CACNA1E: variants seen among roughly 807,000 people sequenced by gnomAD.
The protein encoded by CACNA1E is voltage-dependent R-type calcium channel subunit alpha-1E.
Under a neutral mutation model 259.2 loss-of-function variants are expected in CACNA1E, and 40 were observed. The ratio of observed to expected loss-of-function variants is 0.15; its 90% confidence interval spans 0.12 to 0.20. The LOEUF is 0.20. CACNA1E is among the 10% of genes least tolerant of loss of function. The probability of loss-of-function intolerance (pLI) is 1.00; values close to 1 mark genes in which losing one functional copy is unlikely to be tolerated. For missense variants in CACNA1E, 1,874 were observed against 3,040.1 expected (o/e 0.62, Z 9.02); for synonymous variants, 1,104 against 1,138.5 (o/e 0.97, Z 0.61).
intron 2 of CACNA1E, among the ~76,000 whole-genome samples, chr1:181,441,229 C>T (rs1660453136): frequency 6.6e-6 from 1 of 152,136 alleles, no homozygotes; most frequent in African/African-American, 2.4e-5. Context: ...CTCACTGCAA[C>T]CTCCAGTTCC....
chr1:181,709,998 C>T (rs1653178423), intron 7 of CACNA1E, among the ~76,000 whole-genome samples: 1 of 152,174 alleles, frequency 6.6e-6, no homozygotes, highest in African/African-American at 2.4e-5. Flanking sequence ...TTCTTTCACC[C>T]AATAAATTTG....
At chr1:181,469,520 T>C (rs1284151752) in intron 2 of CACNA1E, among the ~76,000 whole-genome samples, 1 of 152,142 alleles carries the variant, frequency 6.6e-6, no homozygotes. Context: ...ATTTGAGCCA[T>C]GGTGAATATA....
intron 38 of CACNA1E, among the ~76,000 whole-genome samples, chr1:181,778,141 CTAGT>C (rs1157231474): frequency 2.6e-5 from 4 of 152,148 alleles, no homozygotes; most frequent in Non-Finnish European, 4.4e-5. Context: ...GTAATTCATT[CTAGT>C]TAGTTAGAGT....
At chr1:181,683,725 T>C (rs1650226767) in intron 7 of CACNA1E, among the ~76,000 whole-genome samples, 1 of 152,222 alleles carries the variant, frequency 6.6e-6, no homozygotes, top group African/African-American at 2.4e-5. Flanking sequence ...TCACTTAGGA[T>C]AATGTCCTCC....
chr1:181,688,108 G>A (rs1459641993), intron 7 of CACNA1E, among the ~76,000 whole-genome samples: 9 of 152,080 alleles, frequency 5.9e-5, no homozygotes, highest in African/African-American at 1.9e-4. Context: ...GAGTATCTGG[G>A]CACTAACAAT....
intron 46 of CACNA1E, among the ~76,000 whole-genome samples, chr1:181,795,656 G>T (rs1442079453): frequency 6.6e-6 from 1 of 151,384 alleles, no homozygotes; most frequent in Admixed American, 6.6e-5. Context: ...TAGCCAGGAT[G>T]GTCTCAATCT....
intron 18 of CACNA1E, 140 bp downstream of exon 18, chr1:181,726,302 G>A: frequency 1.6e-6 from 1 of 608,886 alleles, no homozygotes; most frequent in South Asian, 2.0e-5. Flanking sequence ...GAGCCAGACA[G>A]AGTCTGTTTT....
chr1:181,363,250 A>G (rs1654022122), intron 1 of CACNA1E, among the ~76,000 whole-genome samples: 1 of 152,210 alleles, frequency 6.6e-6, no homozygotes, highest in Non-Finnish European at 1.5e-5. Context: ...ACTATTACAC[A>G]AACCAAAAAC....
intron 12 of CACNA1E, among the ~76,000 whole-genome samples, chr1:181,718,664 A>C (rs893510269): frequency 1.5e-5 from 2 of 133,044 alleles, no homozygotes; most frequent in Non-Finnish European, 3.3e-5. Flanking sequence ...ACACACACAC[A>C]CACCCTTATA....
At chr1:181,568,250 T>G (rs1251521992) in intron 3 of CACNA1E, among the ~76,000 whole-genome samples, 6 of 152,128 alleles carry the variant, frequency 3.9e-5, no homozygotes, top group Non-Finnish European at 8.8e-5. Flanking sequence ...CTCCCCAGCA[T>G]GCATGTTGTC....
rs1385444624 is a variant in CACNA1E at position 181,805,779 on chromosome 1, C to T, written c.*6945C>T. 6.6e-6 allele frequency: 1 copy of T among 152,172 alleles called. No individual in the cohort carries two copies. Among genetic ancestry groups the T allele is most frequent in the African/African-American group, 2.4e-5 (1 of 41,414 alleles). The allele number at this position is 152,172 out of a possible 1,614,324, so 9.4% of individuals were successfully genotyped here. On this transcript the variant is annotated 3_prime_UTR_variant, in exon 48 of 48. Transcript: ENST00000367573. ...AACTGAGTCCAAGATTTGAATTCAT[C>T]CAGAAAAACAAATGGAGGAGAAAAG... is the stretch of plus-strand genomic sequence containing the variant.
chr1:181,596,567 T>C (rs1228528417), intron 6 of CACNA1E, among the ~76,000 whole-genome samples: 1 of 139,748 alleles, frequency 7.2e-6, no homozygotes, highest in African/African-American at 2.6e-5. Flanking sequence ...CGTGTGTGTG[T>C]GTGTGTGTGT....
chr1:181,523,426 T>C (rs1281645568), intron 3 of CACNA1E, among the ~76,000 whole-genome samples: 1 of 152,212 alleles, frequency 6.6e-6, no homozygotes, highest in Admixed American at 6.5e-5. Context: ...GAATGAGTAG[T>C]ATTGTTTTCT....
At chr1:181,406,446 GA>G (rs1386209364) in intron 1 of CACNA1E, among the ~76,000 whole-genome samples, 1 of 151,954 alleles carries the variant, frequency 6.6e-6, no homozygotes, top group African/African-American at 2.4e-5. Flanking sequence ...TCCCAGGCTG[GA>G]GTGAAGTGGC....
At chr1:181,757,157 G>A in intron 30 of CACNA1E, 31 bp downstream of exon 30, 1 of 1,504,774 alleles carries the variant, frequency 6.6e-7, no homozygotes, top group Non-Finnish European at 9.2e-7. Flanking sequence ...GTGGGGAGCA[G>A]CAGAGGCTCC....
At chr1:181,370,356 G>T (rs1302682532) in intron 1 of CACNA1E, among the ~76,000 whole-genome samples, 1 of 151,488 alleles carries the variant, frequency 6.6e-6, no homozygotes, top group Non-Finnish European at 1.5e-5. Context: ...TATGTCACTG[G>T]GGTTTGGTGT....
intron 3 of CACNA1E, among the ~76,000 whole-genome samples, chr1:181,535,996 A>G (rs1298796537): frequency 1.3e-5 from 2 of 152,090 alleles, no homozygotes; most frequent in African/African-American, 4.8e-5. Context: ...CAACATGATT[A>G]TTTCTTTACA....
At chr1:181,442,502 A>G (rs1422370978) in intron 2 of CACNA1E, among the ~76,000 whole-genome samples, 1 of 152,120 alleles carries the variant, frequency 6.6e-6, no homozygotes, top group African/African-American at 2.4e-5. Context: ...ACAGAGCTTC[A>G]TCTTTGCTCC....
At chr1:181,576,370 C>T (rs908328575) in intron 3 of CACNA1E, among the ~76,000 whole-genome samples, 4 of 152,160 alleles carry the variant, frequency 2.6e-5, no homozygotes, top group Non-Finnish European at 4.4e-5. Flanking sequence ...TGAAGCCGTC[C>T]GCTTGGCTGT....
Sources: gnomAD v4.1 joint callset for allele counts (sites outside exome capture counted in the v4.1 genomes callset) on GRCh38, gnomAD v4.1.1 for gene constraint, MANE v1.5 for transcripts, NCBI Gene and HGNC (gene_info 2026-07-23, HGNC 2026-07-21) for gene names.